The following RASAL2 variants were observed in gnomAD, a reference collection of about 807,000 sequenced individuals.
The protein encoded by RASAL2 is ras GTPase-activating protein nGAP.
Under a neutral mutation model 128.9 loss-of-function variants are expected in RASAL2, and 58 were observed. The observed-to-expected ratio is 0.45, with a 90% CI of 0.36 to 0.56. The LOEUF (loss-of-function observed/expected upper bound fraction) is 0.56. Among genes scored for constraint, RASAL2 ranks in the 20% least tolerant of loss-of-function variants. RASAL2 has a pLI of 0.00. For synonymous variants in RASAL2, 561 were observed against 580.8 expected, an observed-to-expected ratio of 0.97 and a Z score of 0.49; for missense variants, 1,360 against 1,601.6, an observed-to-expected ratio of 0.85 and a Z score of 2.57.
chr1:178,393,805 G>A (rs1019394215), intron 4 of RASAL2, among the ~76,000 whole-genome samples: 1 of 152,104 alleles, frequency 6.6e-6, no homozygotes, highest in African/African-American at 2.4e-5. Context: ...ACCTCCCACA[G>A]AGCAAACATT....
intron 1 of RASAL2, among the ~76,000 whole-genome samples, chr1:178,230,174 A>G (rs1390330942): frequency 1.3e-5 from 2 of 152,186 alleles, no homozygotes; most frequent in African/African-American, 2.4e-5. Context: ...CCATTGTATG[A>G]AAACACCACA....
chr1:178,233,996 ATATAT>A (rs1039181793), intron 1 of RASAL2, among the ~76,000 whole-genome samples: 11 of 152,230 alleles, frequency 7.2e-5, no homozygotes, highest in South Asian at 2.1e-4. Context: ...TATAAAACAA[ATATAT>A]TTAATTAGCA....
At chr1:178,315,051 G>T (rs1299901287) in intron 3 of RASAL2, among the ~76,000 whole-genome samples, 1 of 147,804 alleles carries the variant, frequency 6.8e-6, no homozygotes, top group Non-Finnish European at 1.5e-5. Context: ...TTGGTTTTTT[G>T]ATCTTGCGAT....
At chr1:178,466,671 C>A (rs1157151294) in intron 16 of RASAL2, among the ~76,000 whole-genome samples, 3 of 152,116 alleles carry the variant, frequency 2.0e-5, no homozygotes, top group Non-Finnish European at 4.4e-5. Flanking sequence ...TACAAATAAA[C>A]AGGCAACAAA....
chr1:178,388,817 G>T (rs1009443479), intron 3 of RASAL2, among the ~76,000 whole-genome samples: 3 of 152,232 alleles, frequency 2.0e-5, no homozygotes, highest in Admixed American at 2.0e-4. Context: ...GCAGATTAGT[G>T]TAAGACAGTG....
intron 1 of RASAL2, among the ~76,000 whole-genome samples, chr1:178,175,689 C>T (rs1279361657): frequency 6.6e-6 from 1 of 151,188 alleles, no homozygotes; most frequent in African/African-American, 2.4e-5. Context: ...TGTCTCTCAC[C>T]CCACTCCCAA....
chr1:178,443,287 A>T, intron 8 of RASAL2, 58 bp downstream of exon 8: 1 of 1,418,664 alleles, frequency 7.0e-7, no homozygotes, highest in Non-Finnish European at 9.6e-7. Flanking sequence ...TTCATAAACC[A>T]AGATATGGAT....
chr1:178,335,264 G>C (rs1669532179), intron 3 of RASAL2, among the ~76,000 whole-genome samples: 1 of 151,816 alleles, frequency 6.6e-6, no homozygotes, highest in African/African-American at 2.4e-5. Context: ...AAAAAATATA[G>C]CATATCTACA....
chr1:178,359,061 A>G (rs570153432), intron 3 of RASAL2, among the ~76,000 whole-genome samples: 1 of 152,346 alleles, frequency 6.6e-6, no homozygotes, highest in South Asian at 2.1e-4. Flanking sequence ...AATATATAAA[A>G]CATGCTCTTT....
chr1:178,291,727 C>G (rs552387758), intron 2 of RASAL2, among the ~76,000 whole-genome samples: 1 of 152,090 alleles, frequency 6.6e-6, no homozygotes, highest in African/African-American at 2.4e-5. Context: ...CTACCTTTCA[C>G]CCACACTTAA....
chr1:178,225,013 C>G (rs955543036), intron 1 of RASAL2, among the ~76,000 whole-genome samples: 1 of 152,054 alleles, frequency 6.6e-6, no homozygotes, highest in East Asian at 1.9e-4. Context: ...CTAATTTAAG[C>G]AGGTCATGGA....
intron 3 of RASAL2, among the ~76,000 whole-genome samples, chr1:178,366,086 T>C (rs1163275748): frequency 2.0e-5 from 3 of 152,188 alleles, no homozygotes; most frequent in Non-Finnish European, 4.4e-5. Flanking sequence ...AATTTCCTGA[T>C]TTTAATTTTT....
chr1:178,305,246 G>A (rs1472707203), intron 3 of RASAL2, among the ~76,000 whole-genome samples: 2 of 152,154 alleles, frequency 1.3e-5, no homozygotes, highest in African/African-American at 4.8e-5. Context: ...CAAATCCAGT[G>A]CAATTCCTAT....
At chr1:178,199,168 T>TG (rs879730106) in intron 1 of RASAL2, among the ~76,000 whole-genome samples, 3 of 152,190 alleles carry the variant, frequency 2.0e-5, no homozygotes, top group Non-Finnish European at 2.9e-5. Context: ...AAAAGTGCAG[T>TG]GTTTAGGTGG....
intron 4 of RASAL2, among the ~76,000 whole-genome samples, chr1:178,406,203 C>T (rs781135403): frequency 7.2e-5 from 11 of 152,192 alleles, no homozygotes; most frequent in Admixed American, 5.2e-4. Flanking sequence ...ATAACTCGAA[C>T]GTCCATGAGT....
At position 178,465,802 on chromosome 1, in the gene RASAL2, T is replaced by TAAAAAA. The variant is rs201841559; in HGVS notation, c.3388-115_3388-110dup. ...CTACACTGCTTAGGGTTTCTTTTGT[T>TAAAAAA]AAAAAAAAGAAAAAAGAAAAAGAAA... On this transcript the variant is annotated intron_variant, in intron 15 of 17. Coordinates refer to ENST00000367649, the MANE Select transcript of RASAL2 (RefSeq NM_170692.4). 9.1e-6 allele frequency: 9 copies of TAAAAAA among 985,390 alleles called. No individual in the cohort carries two copies. The African/African-American group carries it at 1.0e-4, about 11-fold the overall frequency. 61.0% of individuals were successfully genotyped at this position (985,390 alleles called of 1,614,324 possible). A position where few individuals can be genotyped will look rare whatever the true frequency, so the allele number is the denominator to read the frequency against.
At chr1:178,097,258 C>T (rs982737395) in intron 1 of RASAL2, among the ~76,000 whole-genome samples, 1 of 152,176 alleles carries the variant, frequency 6.6e-6, no homozygotes, top group African/African-American at 2.4e-5. Context: ...CTCTAGGTTT[C>T]AGCATAAAAG....
In RASAL2 at chr1:178,465,974, C is replaced by T. The variant is rs2102946102; in HGVS notation, c.3442C>T (p.Leu1148=). Residue 1148 remains leucine, a synonymous_variant, in exon 16 of 18, where the codon CTG becomes TTG. Transcript: ENST00000367649. The stretch of plus-strand genomic sequence containing the variant: ...GCGCCTGAGAGTTTCCAGCCGGCGA[C>T]TGGAGGAATATGAACGCCGCTTGCT... ...KERLRVSSRR[L]EEYERRLLVQ... 1 of 1,557,336 alleles carries T rather than the reference C, an allele frequency of 6.4e-7. No individual in the cohort carries two copies. Among genetic ancestry groups the T allele is most frequent in the South Asian group, 1.2e-5 (1 of 84,406 alleles).
intron 1 of RASAL2, among the ~76,000 whole-genome samples, chr1:178,239,307 T>C (rs1283960938): frequency 6.6e-6 from 1 of 152,098 alleles, no homozygotes; most frequent in Non-Finnish European, 1.5e-5. Flanking sequence ...ATCTGGTGGT[T>C]AGAACATAAG....
Sources: allele counts gnomAD v4.1 joint callset (sites outside exome capture counted in the v4.1 genomes callset), GRCh38; gene constraint gnomAD v4.1.1; transcripts MANE v1.5; gene names NCBI Gene and HGNC (gene_info 2026-07-23, HGNC 2026-07-21).